Variants in BMP5 observed in about 807,000 individuals in gnomAD.
The protein encoded by BMP5 is bone morphogenetic protein 5.
In BMP5, 23 loss-of-function variants were observed where a neutral mutation model predicts 46.6. The ratio of observed to expected loss-of-function variants is 0.49; its 90% confidence interval spans 0.35 to 0.70. The LOEUF is 0.70. BMP5 is among the 30% of genes least tolerant of loss of function. The pLI is 0.00. For synonymous variants in BMP5, 204 were observed against 191.9 expected, an observed-to-expected ratio of 1.06 and a Z score of -0.52; for missense variants, 545 against 565.6, an observed-to-expected ratio of 0.96 and a Z score of 0.37.
At chr6:55,774,829 T>G (rs995996092) in intron 3 of BMP5, among the ~76,000 whole-genome samples, 1 of 151,994 alleles carries the variant, frequency 6.6e-6, no homozygotes, top group African/African-American at 2.4e-5. Flanking sequence ...AGGTCTGCTT[T>G]AAGCCGCAGT....
chr6:55,837,427 T>G (rs1166364619), intron 1 of BMP5, among the ~76,000 whole-genome samples: 18 of 152,016 alleles, frequency 1.2e-4, no homozygotes, highest in Admixed American at 1.2e-3. Context: ...CAGATAGATA[T>G]TTACTTTGGT....
chr6:55,763,444 C>A (rs1774834463), intron 4 of BMP5, among the ~76,000 whole-genome samples: 1 of 152,062 alleles, frequency 6.6e-6, no homozygotes, highest in Non-Finnish European at 1.5e-5. Flanking sequence ...TATGCTTATT[C>A]TGTCAGAAAT....
intron 2 of BMP5, among the ~76,000 whole-genome samples, chr6:55,816,466 A>C (rs1045019490): frequency 2.0e-5 from 3 of 152,178 alleles, no homozygotes; most frequent in Non-Finnish European, 2.9e-5. Flanking sequence ...TAACATAAAA[A>C]TAACATATTA....
At chr6:55,802,149 G>C (rs1434543198) in intron 2 of BMP5, among the ~76,000 whole-genome samples, 1 of 152,138 alleles carries the variant, frequency 6.6e-6, no homozygotes, top group Admixed American at 6.6e-5. Context: ...AGCAAAATCT[G>C]TGCTTCTGAC....
intron 1 of BMP5, among the ~76,000 whole-genome samples, chr6:55,826,501 A>G (rs1776536793): frequency 6.6e-6 from 1 of 151,616 alleles, no homozygotes; most frequent in Non-Finnish European, 1.5e-5. Context: ...CTTTAAAAAT[A>G]TAATAGTTTA....
At chr6:55,804,768 G>T (rs1421565272) in intron 2 of BMP5, among the ~76,000 whole-genome samples, 1 of 152,138 alleles carries the variant, frequency 6.6e-6, no homozygotes, top group Non-Finnish European at 1.5e-5. Context: ...TGTGAATATG[G>T]TTATGATGTG....
chr6:55,852,917 G>C (rs1386300333), intron 1 of BMP5, among the ~76,000 whole-genome samples: 1 of 151,972 alleles, frequency 6.6e-6, no homozygotes, highest in Non-Finnish European at 1.5e-5. Context: ...GGATCACGAG[G>C]TCAGGAGATC....
chr6:55,757,497 C>T (rs555736797), intron 6 of BMP5, among the ~76,000 whole-genome samples: 2 of 152,028 alleles, frequency 1.3e-5, no homozygotes, highest in South Asian at 4.1e-4. Flanking sequence ...GAAAAGTTAG[C>T]TTCTTAAAAA....
chr6:55,772,547 T>C (rs1224502279), intron 4 of BMP5, among the ~76,000 whole-genome samples: 2 of 151,918 alleles, frequency 1.3e-5, no homozygotes, highest in Non-Finnish European at 2.9e-5. Context: ...AATATACAAG[T>C]TTGACAGCCT....
intron 1 of BMP5, among the ~76,000 whole-genome samples, chr6:55,833,640 G>C (rs1044709538): frequency 6.6e-6 from 1 of 152,128 alleles, no homozygotes; most frequent in Admixed American, 6.6e-5. Context: ...AGAATGAAGG[G>C]CTAAAAAAGC....
intron 1 of BMP5, among the ~76,000 whole-genome samples, chr6:55,842,161 A>C (rs1776977448): frequency 6.6e-6 from 1 of 152,128 alleles, no homozygotes; most frequent in African/African-American, 2.4e-5. Context: ...AGACAACTAA[A>C]TGTCTGGTGA....
chr6:55,832,244 T>C lies in BMP5; in HGVS notation c.491-12397A>G, dbSNP rs76654833. On this transcript the variant is annotated intron_variant, in intron 1 of 6. Coordinates refer to ENST00000370830, the MANE Select transcript of BMP5 (RefSeq NM_021073.4). ...CTCACTTCTCCCCAGTGAATTTTTG[T>C]TTTCTTTTTTTCCCTACTCCTGAGA... 2.0e-3 allele frequency among the ~76,000 whole-genome samples: 309 copies of C among 152,258 alleles called. 6 individuals carry two copies. The East Asian group carries it at 0.052, about 26-fold the overall frequency.
intron 1 of BMP5, among the ~76,000 whole-genome samples, chr6:55,847,431 G>A (rs1777124168): frequency 6.6e-6 from 1 of 151,848 alleles, no homozygotes; most frequent in Admixed American, 6.6e-5. Context: ...AGTAATGTAG[G>A]CATACAACAG....
chr6:55,813,875 A>G (rs1294203395), intron 2 of BMP5, among the ~76,000 whole-genome samples: 2 of 151,940 alleles, frequency 1.3e-5, no homozygotes, highest in Non-Finnish European at 2.9e-5. Context: ...ATTATGTTCA[A>G]TTTGTGAATT....
At chr6:55,821,025 G>C (rs1275729747) in intron 1 of BMP5, among the ~76,000 whole-genome samples, 1 of 152,080 alleles carries the variant, frequency 6.6e-6, no homozygotes, top group Non-Finnish European at 1.5e-5. Context: ...TCAAAAATTG[G>C]AAATCTTTAG....
chr6:55,859,410 C>T (rs1777478617), intron 1 of BMP5, among the ~76,000 whole-genome samples: 1 of 152,118 alleles, frequency 6.6e-6, no homozygotes, highest in African/African-American at 2.4e-5. Context: ...AAAAAAATTG[C>T]ATGCCCAATA....
chr6:55,841,721 C>T (rs1162836822), intron 1 of BMP5, among the ~76,000 whole-genome samples: 1 of 152,120 alleles, frequency 6.6e-6, no homozygotes, highest in Non-Finnish European at 1.5e-5. Context: ...TCTTTCTGTG[C>T]ATCCAAATGT....
chr6:55,796,400 T>C (rs981179238), intron 2 of BMP5, among the ~76,000 whole-genome samples: 2 of 152,092 alleles, frequency 1.3e-5, no homozygotes, highest in Non-Finnish European at 1.5e-5. Context: ...AAACTCTCCA[T>C]GTTCAAATCC....
intron 4 of BMP5, among the ~76,000 whole-genome samples, chr6:55,762,208 C>T (rs1156558414): frequency 1.3e-5 from 2 of 151,762 alleles, no homozygotes; most frequent in African/African-American, 4.8e-5. Flanking sequence ...AAAACTAGTC[C>T]ACTTTGATTA....
Sources: gnomAD v4.1 joint callset for allele counts (sites outside exome capture counted in the v4.1 genomes callset) on GRCh38, gnomAD v4.1.1 for gene constraint, MANE v1.5 for transcripts, NCBI Gene and HGNC (gene_info 2026-07-23, HGNC 2026-07-21) for gene names.